The following FGGY variants were observed in gnomAD, a reference collection of about 807,000 sequenced individuals.
FGGY encodes FGGY carbohydrate kinase domain containing.
Under a neutral mutation model 71.3 loss-of-function variants are expected in FGGY, and 72 were observed. The ratio of observed to expected loss-of-function variants is 1.01; its 90% confidence interval spans 0.84 to 1.23. FGGY has a LOEUF of 1.23. FGGY is among the 50% of genes most tolerant of loss of function. The pLI is 0.00. For synonymous variants in FGGY, 251 were observed against 250.3 expected (o/e 1.00, Z -0.02); for missense variants, 668 against 682.3 (o/e 0.98, Z 0.23).
intron 9 of FGGY, among the ~76,000 whole-genome samples, chr1:59,622,986 G>A (rs931402040): frequency 1.3e-5 from 2 of 152,142 alleles, no homozygotes; most frequent in African/African-American, 2.4e-5. Context: ...AGAGATGTCA[G>A]CATTGCTCTA....
chr1:59,761,892 C>A lies in FGGY; in HGVS notation c.1575-611C>A, dbSNP rs569970069. 2.0e-5 allele frequency among the ~76,000 whole-genome samples: 3 copies of A among 152,256 alleles called. No individual in the cohort carries two copies. In the South Asian group the frequency reaches 6.2e-4, roughly 32 times the overall value. ...TGTGATTTTAGGCCAGTCATCAAAC[C>A]TGGGGCTAGTTATATAGGAAATACT... On this transcript the variant is annotated intron_variant, in intron 15 of 15. Transcript: ENST00000303721.
intron 6 of FGGY, among the ~76,000 whole-genome samples, chr1:59,466,187 CAG>C (rs1451393514): frequency 2.0e-5 from 3 of 152,182 alleles, no homozygotes; most frequent in Non-Finnish European, 4.4e-5. Flanking sequence ...ACAGAGCCCT[CAG>C]AAATAACACC....
chr1:59,497,300 G>T lies in FGGY; in HGVS notation c.671-15011G>T, dbSNP rs558049350. ...GTGGAAATAATTGCTTAAAAAAACAGCCAGAGGCTGGACACGGTGGCTCAT... is the reference window on the plus strand; with the variant it reads ...GTGGAAATAATTGCTTAAAAAAACATCCAGAGGCTGGACACGGTGGCTCAT... On this transcript the variant is annotated intron_variant, in intron 6 of 15. Transcript: ENST00000303721. Among the ~76,000 whole-genome samples, 3 of 152,318 alleles carry T rather than the reference G, an allele frequency of 2.0e-5. No individual in the cohort carries two copies. The East Asian group carries it at 5.8e-4, about 29-fold the overall frequency.
At chr1:59,354,334 C>T (rs150181996) in intron 4 of FGGY, among the ~76,000 whole-genome samples, 2,982 of 152,286 alleles carry the variant, frequency 0.02, 46 homozygotes, top group East Asian at 0.053. Flanking sequence ...CCACCTCGGC[C>T]TCCCAGAGTG....
intron 12 of FGGY, 68 bp downstream of exon 12, chr1:59,660,361 C>G (rs2097263278): frequency 8.5e-7 from 1 of 1,172,040 alleles, no homozygotes; most frequent in African/African-American, 1.5e-5. Context: ...CACTGGCTCC[C>G]CAAGATACAG....
At chr1:59,536,668 C>T (rs532187398) in intron 7 of FGGY, among the ~76,000 whole-genome samples, 37 of 152,300 alleles carry the variant, frequency 2.4e-4, no homozygotes, top group African/African-American at 8.4e-4. Flanking sequence ...ATCAAGTGGG[C>T]TTCATCCCTG....
At position 59,330,494 on chromosome 1, in the gene FGGY, G is replaced by A. The variant is rs548027034; in HGVS notation, c.201+8744G>A. Reference sequence around the variant, plus strand: ...TGAGGCAGGAGAATCACTTGAACCCGGGAGGCGGAGGTTGCAATAAGCCGA... The same window carrying A: ...TGAGGCAGGAGAATCACTTGAACCCAGGAGGCGGAGGTTGCAATAAGCCGA... On this transcript the variant is annotated intron_variant, in intron 2 of 15. Coordinates refer to ENST00000303721, the MANE Select transcript of FGGY (RefSeq NM_018291.5). Among the ~76,000 whole-genome samples the A allele has an allele frequency of 1.2e-4, 18 of 151,678 alleles. 1 individual carries two copies. The highest frequency in any genetic ancestry group is 1.1e-3 in the Admixed American group (16 of 15,218).
At chr1:59,673,048 C>G (rs772751059) in intron 13 of FGGY, among the ~76,000 whole-genome samples, 5 of 152,166 alleles carry the variant, frequency 3.3e-5, no homozygotes, top group African/African-American at 7.2e-5. Flanking sequence ...AGTGACTCAT[C>G]ATTCAGTCAC....
intron 7 of FGGY, among the ~76,000 whole-genome samples, chr1:59,523,024 A>G (rs2094878615): frequency 6.6e-6 from 1 of 152,236 alleles, no homozygotes; most frequent in Admixed American, 6.5e-5. Flanking sequence ...CTGTATTAGT[A>G]TATGGCCGAG....
intron 8 of FGGY, among the ~76,000 whole-genome samples, chr1:59,585,401 C>G (rs180942501): frequency 1.3e-5 from 2 of 152,100 alleles, no homozygotes; most frequent in African/African-American, 4.8e-5. Context: ...ACAAACCTGA[C>G]AGAAACAAGA....
Position 59,553,260 on chromosome 1 carries a change from G to A in FGGY, c.800-864G>A, listed in dbSNP as rs1347703660. On this transcript the variant is annotated intron_variant, in intron 7 of 15. Coordinates refer to ENST00000303721, the MANE Select transcript of FGGY (RefSeq NM_018291.5). ...CACTTTCCACCCCCAGCTTTGTGTTGTAGTCCTGCAAGTCTGCGTGTTTGT... is the reference window on the plus strand; with the variant it reads ...CACTTTCCACCCCCAGCTTTGTGTTATAGTCCTGCAAGTCTGCGTGTTTGT... Among the ~76,000 whole-genome samples, 3 of 152,190 alleles carry A rather than the reference G, an allele frequency of 2.0e-5. No homozygotes were observed. In the East Asian group the frequency reaches 5.8e-4, roughly 29 times the overall value.
Position 59,714,350 on chromosome 1 carries a change from T to C in FGGY, c.1512+40217T>C, listed in dbSNP as rs146637188. On this transcript the variant is annotated intron_variant, in intron 14 of 15. Coordinates refer to ENST00000303721, the MANE Select transcript of FGGY (RefSeq NM_018291.5). The stretch of plus-strand genomic sequence containing the variant: ...CCAGCATGAAGCCTGTAGGATCTAC[T>C]TAGATCTGGGACTTCAAAGACCTAG... Among the ~76,000 whole-genome samples, 15 of 152,308 alleles carry C rather than the reference T, an allele frequency of 9.8e-5. No individual in the cohort carries two copies. The East Asian group carries it at 2.9e-3, about 29-fold the overall frequency.
intron 6 of FGGY, among the ~76,000 whole-genome samples, chr1:59,480,035 G>C (rs1409499930): frequency 1.3e-5 from 2 of 152,118 alleles, no homozygotes; most frequent in African/African-American, 4.8e-5. Flanking sequence ...ACCTCAAAAT[G>C]CTACCTAGCC....
intron 5 of FGGY, among the ~76,000 whole-genome samples, chr1:59,437,985 G>A (rs2068851787): frequency 1.3e-5 from 2 of 152,166 alleles, no homozygotes; most frequent in African/African-American, 4.8e-5. Flanking sequence ...AGTCTTTTTA[G>A]TACTTATGTG....
At chr1:59,745,106 T>G (rs1241939566) in intron 14 of FGGY, among the ~76,000 whole-genome samples, 1 of 152,216 alleles carries the variant, frequency 6.6e-6, no homozygotes, top group Non-Finnish European at 1.5e-5. Flanking sequence ...AACTCCTGGC[T>G]TCAGATTCGA....
At chr1:59,305,153 C>T (rs573576761) in intron 1 of FGGY, among the ~76,000 whole-genome samples, 1 of 152,054 alleles carries the variant, frequency 6.6e-6, no homozygotes, top group African/African-American at 2.4e-5. Context: ...AAAGGAAAAG[C>T]TTTCGGCTTT....
chr1:59,529,357 G>C (rs2095077743), intron 7 of FGGY, among the ~76,000 whole-genome samples: 1 of 152,200 alleles, frequency 6.6e-6, no homozygotes, highest in South Asian at 2.1e-4. Context: ...GACTCCAGCA[G>C]CTTGCTCAAG....
At chr1:59,653,696 C>T (rs6673957) in intron 11 of FGGY, among the ~76,000 whole-genome samples, 5,668 of 152,272 alleles carry the variant, frequency 0.037, 213 homozygotes, top group African/African-American at 0.099. Flanking sequence ...GATGGAAATG[C>T]GGAAATCACC....
At chr1:59,512,248 A>T in intron 6 of FGGY, 63 bp from the exon 7 acceptor site, 3 of 1,514,392 alleles carry the variant, frequency 2.0e-6, no homozygotes, top group Non-Finnish European at 2.7e-6. Context: ...CTTAAAAAAA[A>T]CCCTCTGTTT....
Sources: allele counts gnomAD v4.1 joint callset (sites outside exome capture counted in the v4.1 genomes callset), GRCh38; gene constraint gnomAD v4.1.1; transcripts MANE v1.5; gene names NCBI Gene and HGNC (gene_info 2026-07-23, HGNC 2026-07-21).